CEP112: variants seen among roughly 807,000 people sequenced by gnomAD.
CEP112 encodes centrosomal protein of 112 kDa.
Under a neutral mutation model 153.0 loss-of-function variants are expected in CEP112, and 127 were observed. The observed-to-expected ratio is 0.83, with a 90% CI of 0.72 to 0.96. The LOEUF is 0.96. CEP112 is among the 40% of genes least tolerant of loss of function. CEP112 has a pLI of 0.00. For synonymous variants in CEP112, 358 were observed against 374.4 expected (o/e 0.96, Z 0.51); for missense variants, 1,089 against 1,101.2 (o/e 0.99, Z 0.16).
intron 4 of CEP112, among the ~76,000 whole-genome samples, chr17:66,151,395 T>C (rs566762341): frequency 3.9e-5 from 6 of 152,368 alleles, no homozygotes; most frequent in African/African-American, 1.4e-4. Flanking sequence ...GTTCTAAGTA[T>C]GTGCTAGGCA....
At chr17:65,764,699 G>C (rs1190063847) in intron 21 of CEP112, among the ~76,000 whole-genome samples, 1 of 151,640 alleles carries the variant, frequency 6.6e-6, no homozygotes, top group Non-Finnish European at 1.5e-5. Context: ...CATATAATTG[G>C]ATCTTGATTT....
chr17:65,665,655 G>A (rs1463786227), intron 24 of CEP112, among the ~76,000 whole-genome samples: 1 of 152,206 alleles, frequency 6.6e-6, no homozygotes, highest in Non-Finnish European at 1.5e-5. Flanking sequence ...AAAATGGAGA[G>A]AGAATAATTG....
intron 4 of CEP112, among the ~76,000 whole-genome samples, chr17:66,141,779 T>C (rs1290778428): frequency 2.0e-5 from 3 of 152,230 alleles, no homozygotes; most frequent in African/African-American, 7.2e-5. Context: ...AATCCATTCA[T>C]TTGTAGATGA....
chr17:65,811,352 G>C (rs1166721250), intron 21 of CEP112, among the ~76,000 whole-genome samples: 1 of 152,184 alleles, frequency 6.6e-6, no homozygotes, highest in African/African-American at 2.4e-5. Context: ...GATGTTAATC[G>C]ATTGTAAGTC....
chr17:65,848,888 G>C (rs555377434), intron 21 of CEP112, among the ~76,000 whole-genome samples: 1 of 151,982 alleles, frequency 6.6e-6, no homozygotes, highest in East Asian at 1.9e-4. Context: ...GCCTTCTCAC[G>C]CACATCTGCT....
Position 65,827,661 on chromosome 17 carries a change from T to C in CEP112, c.2394+24143A>G, listed in dbSNP as rs997771883. On this transcript the variant is annotated intron_variant, in intron 21 of 26. Coordinates refer to ENST00000535342, the MANE Select transcript of CEP112 (RefSeq NM_001199165.4). ...TTACTCAGAGTTAAAGTCAAAGTCA[T>C]TGGAACAGCCTCAAAGGCCCTACAT... is the stretch of plus-strand genomic sequence containing the variant. Among the ~76,000 whole-genome samples the C allele has an allele frequency of 3.3e-5, 5 of 152,292 alleles. No homozygotes were observed. The South Asian group carries it at 6.2e-4, about 19-fold the overall frequency.
At chr17:65,707,865 G>A (rs967190519) in intron 23 of CEP112, among the ~76,000 whole-genome samples, 4 of 152,224 alleles carry the variant, frequency 2.6e-5, no homozygotes, top group African/African-American at 9.6e-5. Flanking sequence ...AAGAACTGGT[G>A]TGATTCCAAA....
At position 65,832,039 on chromosome 17, in the gene CEP112, A is replaced by G. The variant is rs9901899; in HGVS notation, c.2394+19765T>C. Reference sequence around the variant, plus strand: ...AATAGAAGGCAAGACTAAGAATATCATTCAAAATCATGTAATTACATGGAA... The same window carrying G: ...AATAGAAGGCAAGACTAAGAATATCGTTCAAAATCATGTAATTACATGGAA... On this transcript the variant is annotated intron_variant, in intron 21 of 26. Coordinates refer to ENST00000535342, the MANE Select transcript of CEP112 (RefSeq NM_001199165.4). Among the ~76,000 whole-genome samples the G allele has an allele frequency of 3.2e-3, 484 of 152,336 alleles. 3 individuals carry two copies. Among genetic ancestry groups the G allele is most frequent in the African/African-American group, 0.011 (460 of 41,566 alleles).
At chr17:66,178,197 A>C (rs76933571) in intron 2 of CEP112, among the ~76,000 whole-genome samples, 5,199 of 152,256 alleles carry the variant, frequency 0.034, 132 homozygotes, top group Middle Eastern at 0.061. Context: ...TAGGAGAGTT[A>C]CCTTTTCTCC....
intron 21 of CEP112, among the ~76,000 whole-genome samples, chr17:65,797,976 T>G (rs1187386967): frequency 6.6e-6 from 1 of 152,008 alleles, no homozygotes; most frequent in East Asian, 1.9e-4. Flanking sequence ...CTGGCTAAAG[T>G]GGAAACTGGT....
At chr17:65,662,452 C>T (rs993547688) in intron 24 of CEP112, among the ~76,000 whole-genome samples, 5 of 151,968 alleles carry the variant, frequency 3.3e-5, no homozygotes, top group African/African-American at 1.2e-4. Flanking sequence ...AAAACTGTTG[C>T]CCAGATCTTT....
intron 23 of CEP112, among the ~76,000 whole-genome samples, chr17:65,738,639 T>C (rs2050941380): frequency 6.6e-6 from 1 of 152,228 alleles, no homozygotes. Flanking sequence ...TTTTTTATTC[T>C]TGCATTTTAA....
chr17:65,921,988 T>C (rs1272239413), intron 19 of CEP112, among the ~76,000 whole-genome samples: 7 of 152,176 alleles, frequency 4.6e-5, no homozygotes. Flanking sequence ...AAAAAATAAC[T>C]AGGATTTTTG....
chr17:66,150,524 C>T (rs552498225), intron 4 of CEP112, among the ~76,000 whole-genome samples: 1 of 152,234 alleles, frequency 6.6e-6, no homozygotes, highest in Non-Finnish European at 1.5e-5. Flanking sequence ...AGCCATCGCA[C>T]CCAGCCACTG....
At chr17:65,746,308 A>C (rs924732002) in intron 22 of CEP112, among the ~76,000 whole-genome samples, 18 of 152,098 alleles carry the variant, frequency 1.2e-4, no homozygotes, top group African/African-American at 4.3e-4. Flanking sequence ...TGGGGGAATA[A>C]GGAGAGATTC....
In CEP112 at chr17:65,753,986, C is replaced by T. The variant is rs551228301; in HGVS notation, c.2395-3262G>A. ...ATCCAATTCATTCATCCACTCTAGG[C>T]AGCTGGACAGCAGCAATGAACAAAA... On this transcript the variant is annotated intron_variant, in intron 21 of 26. Transcript: ENST00000535342. Among the ~76,000 whole-genome samples the T allele has an allele frequency of 2.0e-5, 3 of 152,262 alleles. No individual in the cohort carries two copies. The East Asian group carries it at 5.8e-4, about 29-fold the overall frequency.
rs777091191 is a variant in CEP112 at position 65,655,956 on chromosome 17, G to A, written c.2698-14891C>T. ...TAGAATTTCTCAAGACACATGTAGC[G>A]GAGATTTTATTCAGCAGCATTCATT... On this transcript the variant is annotated intron_variant, in intron 24 of 26. Transcript: ENST00000535342. 9.2e-5 allele frequency among the ~76,000 whole-genome samples: 14 copies of A among 152,138 alleles called. 1 individual carries two copies. In the East Asian group the frequency reaches 1.3e-3, roughly 15 times the overall value.
chr17:65,917,150 T>C (rs2060523857), intron 19 of CEP112, among the ~76,000 whole-genome samples: 1 of 152,146 alleles, frequency 6.6e-6, no homozygotes, highest in African/African-American at 2.4e-5. Flanking sequence ...ATTCCCTGAA[T>C]TTGGTGCTTA....
intron 25 of CEP112, among the ~76,000 whole-genome samples, chr17:65,638,064 AC>A (rs1412526761): frequency 6.6e-6 from 1 of 152,232 alleles, no homozygotes; most frequent in Non-Finnish European, 1.5e-5. Flanking sequence ...GGGATTAATG[AC>A]AGCTACTTCC....
Sources: gnomAD v4.1 joint callset for allele counts (sites outside exome capture counted in the v4.1 genomes callset) on GRCh38, gnomAD v4.1.1 for gene constraint, MANE v1.5 for transcripts, NCBI Gene and HGNC (gene_info 2026-07-23, HGNC 2026-07-21) for gene names.